The following CEP112 variants were observed in gnomAD, a reference collection of about 807,000 sequenced individuals.
CEP112 encodes the protein centrosomal protein of 112 kDa.
Under a neutral mutation model 153.0 loss-of-function variants are expected in CEP112, and 127 were observed. That is an observed-to-expected ratio of 0.83 (90% confidence interval 0.72 to 0.96). The LOEUF (loss-of-function observed/expected upper bound fraction) is 0.96. Among genes scored for constraint, CEP112 ranks in the 40% least tolerant of loss-of-function variants. The pLI is 0.00. For missense variants in CEP112, 1,089 were observed against 1,101.2 expected, an observed-to-expected ratio of 0.99 and a Z score of 0.16; for synonymous variants, 358 against 374.4, an observed-to-expected ratio of 0.96 and a Z score of 0.51.
rs1029748452 is a variant in CEP112 at position 66,169,460 on chromosome 17, A to G, written c.470+5584T>C. On this transcript the variant is annotated intron_variant, in intron 4 of 26. Coordinates refer to ENST00000535342, the MANE Select transcript of CEP112 (RefSeq NM_001199165.4). ...CACCATGCCCAGCTAATTTTTTTGTATTTTTAGTAGAGACGGGGTTTCACC... is the reference window on the plus strand; with the variant it reads ...CACCATGCCCAGCTAATTTTTTTGTGTTTTTAGTAGAGACGGGGTTTCACC... 3.3e-5 allele frequency among the ~76,000 whole-genome samples: 5 copies of G among 151,512 alleles called. No homozygotes were observed. In the East Asian group the frequency reaches 9.7e-4, roughly 30 times the overall value.
chr17:65,757,949 T>A (rs1462368913), intron 21 of CEP112, among the ~76,000 whole-genome samples: 3 of 152,114 alleles, frequency 2.0e-5, no homozygotes, highest in Non-Finnish European at 4.4e-5. Context: ...TTTAAACAAC[T>A]ACCAGCAGCA....
intron 4 of CEP112, among the ~76,000 whole-genome samples, chr17:66,143,636 A>C (rs1173219902): frequency 6.6e-6 from 1 of 152,234 alleles, no homozygotes; most frequent in African/African-American, 2.4e-5. Flanking sequence ...AAAATTTTTA[A>C]AGGAATTATA....
At chr17:65,918,691 C>T (rs1461796869) in intron 19 of CEP112, among the ~76,000 whole-genome samples, 1 of 152,036 alleles carries the variant, frequency 6.6e-6, no homozygotes, top group East Asian at 1.9e-4. Context: ...TGTGAAAAGA[C>T]AATTAGAATT....
intron 21 of CEP112, among the ~76,000 whole-genome samples, chr17:65,794,540 A>G (rs2054789766): frequency 6.6e-6 from 1 of 151,372 alleles, no homozygotes; most frequent in Non-Finnish European, 1.5e-5. Context: ...CCTACAGGAA[A>G]CTCCCCCTGG....
chr17:65,675,290 A>T (rs1315079484), intron 24 of CEP112, among the ~76,000 whole-genome samples: 1 of 152,222 alleles, frequency 6.6e-6, no homozygotes, highest in African/African-American at 2.4e-5. Flanking sequence ...AAATCTTCCA[A>T]CAAAGAAAAG....
intron 6 of CEP112, among the ~76,000 whole-genome samples, chr17:66,123,020 C>A (rs924499780): frequency 6.6e-6 from 1 of 152,210 alleles, no homozygotes; most frequent in African/African-American, 2.4e-5. Context: ...GGTCTTCAGA[C>A]TGCCTCTCCC....
At chr17:65,873,675 TACAGACTATATTTATG>T (rs1467727293) in intron 20 of CEP112, 1 of 152,220 alleles carries the variant, frequency 6.6e-6, no homozygotes, top group Non-Finnish European at 1.5e-5. Flanking sequence ...TTGCCATGGA[TACAGACTATATTTATG>T]ACCTAACCTT....
intron 8 of CEP112, among the ~76,000 whole-genome samples, chr17:66,091,984 TA>T (rs1021536932): frequency 3.4e-5 from 5 of 149,002 alleles, no homozygotes; most frequent in African/African-American, 1.2e-4. Context: ...CATGAAGAAA[TA>T]AAAAAGCTGA....
chr17:65,786,029 CA>C (rs2054258039), intron 21 of CEP112, among the ~76,000 whole-genome samples: 1 of 152,138 alleles, frequency 6.6e-6, no homozygotes, highest in South Asian at 2.1e-4. Flanking sequence ...GGCATCTTAA[CA>C]ACGTTAAGTT....
chr17:65,863,424 G>C (rs1434484921), intron 20 of CEP112, among the ~76,000 whole-genome samples: 1 of 152,136 alleles, frequency 6.6e-6, no homozygotes, highest in African/African-American at 2.4e-5. Context: ...TGAAGCAGGA[G>C]AATGGTGTGT....
At chr17:65,803,982 C>A (rs2055436448) in intron 21 of CEP112, among the ~76,000 whole-genome samples, 1 of 152,084 alleles carries the variant, frequency 6.6e-6, no homozygotes, top group South Asian at 2.1e-4. Context: ...ACAAGTTTAA[C>A]CTCAAGCTAA....
rs547002285 is a variant in CEP112 at position 66,084,771 on chromosome 17, CA to C, written c.768+11479del. On this transcript the variant is annotated intron_variant, in intron 8 of 26. Coordinates refer to ENST00000535342, the MANE Select transcript of CEP112 (RefSeq NM_001199165.4). The stretch of plus-strand genomic sequence containing the variant: ...GCTGGAACAATAAGGTGACTACAGT[CA>C]AAAAAAAAATTTAATTGTACATTTT... Among the ~76,000 whole-genome samples the C allele has an allele frequency of 2.9e-3, 433 of 147,782 alleles. 1 individual carries two copies. The highest frequency in any genetic ancestry group is 7.0e-3 in the Middle Eastern group (2 of 284).
chr17:66,034,405 T>C (rs1028897969), intron 12 of CEP112, among the ~76,000 whole-genome samples: 1 of 152,176 alleles, frequency 6.6e-6, no homozygotes, highest in African/African-American at 2.4e-5. Context: ...AATCTATTTC[T>C]TTTTTTCCTT....
chr17:65,995,158 T>C (rs2063737947), intron 17 of CEP112, among the ~76,000 whole-genome samples: 1 of 116,400 alleles, frequency 8.6e-6, no homozygotes, highest in Non-Finnish European at 1.7e-5. Context: ...GAAGAGTTCT[T>C]GGAGTGGGGT....
chr17:65,907,370 T>A (rs1157670792), intron 19 of CEP112, among the ~76,000 whole-genome samples: 2 of 152,200 alleles, frequency 1.3e-5, no homozygotes, highest in Non-Finnish European at 2.9e-5. Context: ...TAGTCATAAA[T>A]GATTGTTAGT....
intron 21 of CEP112, among the ~76,000 whole-genome samples, chr17:65,768,603 G>A (rs12600343): frequency 0.48 from 72,940 of 151,836 alleles, 19,197 homozygotes; most frequent in East Asian, 0.78. Context: ...TCAATACATC[G>A]TGATTAAGTG....
At chr17:66,144,120 T>C (rs2070824035) in intron 4 of CEP112, among the ~76,000 whole-genome samples, 1 of 152,162 alleles carries the variant, frequency 6.6e-6, no homozygotes, top group African/African-American at 2.4e-5. Context: ...ATAGCTTGCA[T>C]ACAGTAAAAC....
chr17:65,886,309 G>A (rs2059275474), intron 20 of CEP112, among the ~76,000 whole-genome samples: 1 of 152,196 alleles, frequency 6.6e-6, no homozygotes, highest in Non-Finnish European at 1.5e-5. Context: ...AGTACACTGA[G>A]TAAGAAGTTG....
chr17:66,073,353 A>C (rs2067369586), intron 8 of CEP112, among the ~76,000 whole-genome samples: 1 of 152,214 alleles, frequency 6.6e-6, no homozygotes, highest in Non-Finnish European at 1.5e-5. Flanking sequence ...GAGCTGAGAA[A>C]GCAGAGGTCA....
Sources: gnomAD v4.1 joint callset for allele counts (sites outside exome capture counted in the v4.1 genomes callset) on GRCh38, gnomAD v4.1.1 for gene constraint, MANE v1.5 for transcripts, NCBI Gene and HGNC (gene_info 2026-07-23, HGNC 2026-07-21) for gene names.